Variants in RTTN observed in about 807,000 individuals in gnomAD.
RTTN encodes the protein rotatin.
Under a neutral mutation model 269.2 loss-of-function variants are expected in RTTN, and 182 were observed. The ratio of observed to expected loss-of-function variants is 0.68; its 90% CI spans 0.60 to 0.76. The LOEUF is 0.76. Ranked by LOEUF, RTTN falls within the 30% of genes least tolerant of loss-of-function variation. RTTN has a pLI of 0.00. For synonymous variants in RTTN, 1,006 were observed against 963.5 expected (o/e 1.04, Z -0.82); for missense variants, 2,545 against 2,608.6 (o/e 0.98, Z 0.53).
intron 39 of RTTN, among the ~76,000 whole-genome samples, chr18:70,051,074 T>TA (rs1244606447): frequency 1.3e-5 from 2 of 152,180 alleles, no homozygotes; most frequent in African/African-American, 4.8e-5. Flanking sequence ...TCCCAGAACT[T>TA]AAAGTAAAAT....
intron 37 of RTTN, among the ~76,000 whole-genome samples, chr18:70,056,780 C>CTA (rs1349721428): frequency 6.6e-6 from 1 of 152,222 alleles, no homozygotes; most frequent in African/African-American, 2.4e-5. Flanking sequence ...TGGAATAGCC[C>CTA]TACCCTTCCA....
chr18:70,030,734 G>T, intron 41 of RTTN, 142 bp downstream of exon 41: 2 of 542,054 alleles, frequency 3.7e-6, no homozygotes, highest in Non-Finnish European at 6.3e-6. Flanking sequence ...CTTCTGTATG[G>T]GAAAAAAAAT....
intron 16 of RTTN, 108 bp from the exon 17 acceptor site, chr18:70,149,145 G>C: frequency 1.1e-6 from 1 of 878,584 alleles, no homozygotes; most frequent in East Asian, 2.7e-5. Context: ...AATGTCTTTG[G>C]ATTCAGTTGA....
At chr18:70,155,699 G>A (rs1490444915) in intron 14 of RTTN, among the ~76,000 whole-genome samples, 1 of 152,248 alleles carries the variant, frequency 6.6e-6, no homozygotes, top group Non-Finnish European at 1.5e-5. Context: ...CTGCAATGGG[G>A]CATGGCCATA....
At position 70,166,157 on chromosome 18, in the gene RTTN, G is replaced by A. The variant is rs2060980592; in HGVS notation, c.1834C>T (p.Gln612Ter). The A allele has an allele frequency of 3.7e-6, 6 of 1,613,552 alleles. No homozygotes were observed. The highest frequency in any genetic ancestry group is 5.1e-6 in the Non-Finnish European group (6 of 1,179,624). Reference protein sequence around the residue: ...WKSAQASPLLQGESQKVLLHM... With the variant: ...WKSAQASPLL The stretch of plus-strand genomic sequence containing the variant: ...AGAAGCACCTTCTGACTTTCTCCTT[G>A]TAGTAATGGACTGGCCTGAGCAGAT... Residue 612 changes from glutamine (Q) to a stop codon, truncating the protein, a stop_gained, in exon 14 of 49, where the codon CAA becomes TAA. Coordinates refer to ENST00000640769, the MANE Select transcript of RTTN (RefSeq NM_173630.4). LOFTEE classifies it high-confidence loss of function.
intron 35 of RTTN, among the ~76,000 whole-genome samples, chr18:70,064,397 A>C (rs1055743179): frequency 8.6e-5 from 13 of 151,750 alleles, no homozygotes; most frequent in Non-Finnish European, 1.8e-4. Flanking sequence ...TTAAAATCAA[A>C]GGTAATCCAA....
chr18:70,068,125 T>C (rs912299733), intron 34 of RTTN, among the ~76,000 whole-genome samples: 1 of 152,244 alleles, frequency 6.6e-6, no homozygotes, highest in Non-Finnish European at 1.5e-5. Context: ...TTAAAGCAAA[T>C]TGTCCCAGTT....
At chr18:70,051,583 C>T (rs759879768) in intron 38 of RTTN, 35 bp from the exon 39 acceptor site, 45 of 1,504,104 alleles carry the variant, frequency 3.0e-5, no homozygotes, top group East Asian at 4.7e-5. Context: ...AAGTTATTAA[C>T]ACAAAGAAGG....
chr18:70,095,218 A>C (rs966844171), intron 28 of RTTN, among the ~76,000 whole-genome samples: 2 of 151,878 alleles, frequency 1.3e-5, no homozygotes, highest in African/African-American at 4.8e-5. Flanking sequence ...GGGTCTCCTG[A>C]ATACAGCACA....
intron 5 of RTTN, 31 bp from the exon 6 acceptor site, chr18:70,197,769 A>G: frequency 7.3e-7 from 1 of 1,373,918 alleles, no homozygotes; most frequent in Non-Finnish European, 1.0e-6. Context: ...CATTTTTAAG[A>G]AGAGTTCATC....
intron 46 of RTTN, among the ~76,000 whole-genome samples, chr18:70,013,333 C>CA (rs1397196105): frequency 7.0e-6 from 1 of 142,716 alleles, no homozygotes; most frequent in Non-Finnish European, 1.5e-5. Flanking sequence ...ATAACTCCTT[C>CA]AACCAGCTAT....
intron 28 of RTTN, among the ~76,000 whole-genome samples, chr18:70,093,886 T>C (rs1441304177): frequency 6.6e-6 from 1 of 152,230 alleles, no homozygotes; most frequent in East Asian, 1.9e-4. Flanking sequence ...TACCAGATCC[T>C]CTTTGTACCT....
chr18:70,113,608 A>G (rs2059530060), intron 27 of RTTN, among the ~76,000 whole-genome samples: 1 of 152,308 alleles, frequency 6.6e-6, no homozygotes, highest in African/African-American at 2.4e-5. Context: ...GTTTACAGCA[A>G]CACTATTCAT....
chr18:70,067,163 A>ATT (rs71178843), intron 34 of RTTN, among the ~76,000 whole-genome samples: 3,679 of 144,782 alleles, frequency 0.025, 72 homozygotes, highest in South Asian at 0.049. Context: ...AAGCTTGTTT[A>ATT]TTTTTTTTTT....
In RTTN at chr18:70,142,957, G is replaced by A. The variant is rs572665515; in HGVS notation, c.2482-570C>T. Among the ~76,000 whole-genome samples the A allele has an allele frequency of 3.9e-4, 59 of 152,254 alleles. 1 individual carries two copies. In the South Asian group the frequency reaches 8.1e-3, roughly 21 times the overall value. On this transcript the variant is annotated intron_variant, in intron 18 of 48. Transcript: ENST00000640769. ...GGAGAATCGCTTGAACCCAGGAGGC[G>A]GAGGCGGCAGTGATCCAAGATCGCA...
chr18:70,028,732 C>A lies in RTTN; in HGVS notation c.5815G>T (p.Glu1939Ter). Residue 1939 changes from glutamate to a stop codon, truncating the protein, a stop_gained, in exon 43 of 49, where the codon GAA (glutamate) becomes TAA (stop). Coordinates refer to ENST00000640769, the MANE Select transcript of RTTN (RefSeq NM_173630.4). LOFTEE classifies it high-confidence loss of function. ...LLRNCLYQNE[E>*]CKEAALEAHL... Reference sequence around the variant, plus strand: ...AAAGTAGTTCTACTTACTTTACATTCCTCATTTTGATAAAGACAGTTTCTT... The same window carrying A: ...AAAGTAGTTCTACTTACTTTACATTACTCATTTTGATAAAGACAGTTTCTT... The A allele has an allele frequency of 6.2e-7, 1 of 1,604,418 alleles. No homozygotes were observed. The highest frequency in any genetic ancestry group is 8.5e-7 in the Non-Finnish European group (1 of 1,173,318).
intron 10 of RTTN, among the ~76,000 whole-genome samples, chr18:70,182,167 G>A (rs539362735): frequency 2.0e-5 from 3 of 152,250 alleles, no homozygotes; most frequent in African/African-American, 7.2e-5. Flanking sequence ...ACTATTATCA[G>A]AAAATGAAAG....
rs1182902130 is a variant in RTTN at position 70,121,050 on chromosome 18, C to CA, written c.3528+505dup. Among the ~76,000 whole-genome samples the CA allele has an allele frequency of 2.7e-5, 4 of 147,316 alleles. No homozygotes were observed. The South Asian group carries it at 8.6e-4, about 31-fold the overall frequency. ...TGGGTGACAGGGCGAGACGCCGTCTCAAAAAAAATAAAAAAAAAAAATTTA... is the reference window on the plus strand; with the variant it reads ...TGGGTGACAGGGCGAGACGCCGTCTCAAAAAAAAATAAAAAAAAAAAATTTA... On this transcript the variant is annotated intron_variant, in intron 26 of 48. Transcript: ENST00000640769.
At chr18:70,060,102 A>G (rs1371762581) in intron 35 of RTTN, 60 bp from the exon 36 acceptor site, 2 of 1,315,208 alleles carry the variant, frequency 1.5e-6, no homozygotes, top group Non-Finnish European at 2.0e-6. Context: ...ACAATACTCA[A>G]AAGTTCTTAT....
Sources: gnomAD v4.1 joint callset for allele counts (sites outside exome capture counted in the v4.1 genomes callset) on GRCh38, gnomAD v4.1.1 for gene constraint, MANE v1.5 for transcripts, NCBI Gene and HGNC (gene_info 2026-07-23, HGNC 2026-07-21) for gene names.